The following SETBP1 variants were observed in gnomAD, a reference collection of about 807,000 sequenced individuals.
SETBP1 encodes the protein SET binding protein 1.
Under a neutral mutation model 101.0 loss-of-function variants are expected in SETBP1, and 9 were observed. That is an observed-to-expected ratio of 0.09 (90% CI 0.05 to 0.16). The LOEUF is 0.16. Among genes scored for constraint, SETBP1 ranks in the 10% least tolerant of loss-of-function variants. The pLI, the probability that SETBP1 is intolerant of heterozygous loss-of-function variation, is 1.00. For synonymous variants in SETBP1, 818 were observed against 788.5 expected (o/e 1.04, Z -0.63); for missense variants, 1,858 against 2,033.8 (o/e 0.91, Z 1.66).
In SETBP1 at chr18:45,063,582, G is replaced by GC; in HGVS notation, c.4680dup (p.Ala1561ArgfsTer31). 1.3e-6 allele frequency: 2 copies of GC among 1,560,676 alleles called. No homozygotes were observed. Among genetic ancestry groups the GC allele is most frequent in the Non-Finnish European group, 1.7e-6 (2 of 1,151,610 alleles). ...CGGAAAGAGGAAACACAAACCGCAG[G>GC]CCCCCGCTCAGCCCCCACAGCAGTC... On this transcript the variant is annotated frameshift_variant, in exon 6 of 6. Transcript: ENST00000649279. LOFTEE classifies it high-confidence loss of function.
rs539575685 is a variant in SETBP1, at chr18:44,961,876, C to T, written c.4000+8536C>T. ...AAGAATGAACAAGTTATCACAAGTT[C>T]GAATAAATGGTTCTGTTACTGAGCC... On this transcript the variant is annotated intron_variant, in intron 4 of 5. Coordinates refer to ENST00000649279, the MANE Select transcript of SETBP1 (RefSeq NM_015559.3). Among the ~76,000 whole-genome samples the T allele has an allele frequency of 2.6e-5, 4 of 152,186 alleles. No individual in the cohort carries two copies. In the South Asian group the frequency reaches 8.3e-4, roughly 32 times the overall value.
chr18:45,029,855 G>T (rs1040796579), intron 4 of SETBP1, among the ~76,000 whole-genome samples: 31 of 152,190 alleles, frequency 2.0e-4, no homozygotes, highest in Admixed American at 2.0e-3. Context: ...TTAGTACATT[G>T]ATTTTGTATC....
At chr18:44,838,310 G>A (rs752905531) in intron 2 of SETBP1, among the ~76,000 whole-genome samples, 1 of 151,966 alleles carries the variant, frequency 6.6e-6, no homozygotes, top group African/African-American at 2.4e-5. Flanking sequence ...AGCTGTATTC[G>A]CTTCACACCC....
chr18:44,687,028 C>T (rs965946515), intron 1 of SETBP1, among the ~76,000 whole-genome samples: 2 of 152,176 alleles, frequency 1.3e-5, no homozygotes, highest in Non-Finnish European at 2.9e-5. Flanking sequence ...CTTAACCATA[C>T]AGTCATCTTT....
chr18:44,880,018 G>A (rs1485092884), intron 3 of SETBP1, among the ~76,000 whole-genome samples: 1 of 152,128 alleles, frequency 6.6e-6, no homozygotes, highest in Non-Finnish European at 1.5e-5. Flanking sequence ...CATATTTCTG[G>A]AGGTCCACTT....
chr18:44,731,652 A>G (rs74532626), intron 2 of SETBP1, among the ~76,000 whole-genome samples: 9,227 of 151,856 alleles, frequency 0.061, 363 homozygotes, highest in East Asian at 0.14. Flanking sequence ...ACACACACAC[A>G]CGCGCACGCA....
intron 3 of SETBP1, among the ~76,000 whole-genome samples, chr18:44,920,242 T>C (rs1403619317): frequency 6.6e-6 from 1 of 152,048 alleles, no homozygotes; most frequent in Admixed American, 6.6e-5. Flanking sequence ...CTGTTATCCA[T>C]AGGAGTATGA....
chr18:44,852,118 T>G (rs2072880454), intron 2 of SETBP1, among the ~76,000 whole-genome samples: 1 of 152,250 alleles, frequency 6.6e-6, no homozygotes, highest in Admixed American at 6.5e-5. Context: ...TGCACAGAGC[T>G]GCTTTGATTC....
chr18:44,933,605 C>T (rs1285560150), intron 3 of SETBP1, among the ~76,000 whole-genome samples: 7 of 152,170 alleles, frequency 4.6e-5, no homozygotes, highest in East Asian at 1.9e-4. Context: ...CCACCCAGTT[C>T]GAGCTTCCTG....
At position 44,952,902 on chromosome 18, in the gene SETBP1, G is replaced by A. The variant is rs763274923; in HGVS notation, c.3562G>A (p.Glu1188Lys). The A allele has an allele frequency of 7.6e-5, 123 of 1,614,024 alleles. 3 individuals are homozygous for A. The South Asian group carries it at 8.7e-4, about 11-fold the overall frequency. The change falls in exon 4 of 6, where the codon GAG becomes AAG. Residue 1188 changes from glutamate to lysine, a missense_variant. Glu to Lys is a moderately conservative substitution (Grantham distance 56). Around this residue, in one of 12 missense-constraint regions of SETBP1, gnomAD observed 417 missense variants for 389.1 expected, o/e 1.07. Coordinates refer to ENST00000649279, the MANE Select transcript of SETBP1 (RefSeq NM_015559.3). ...ATGFSSHILSERLSSADKELP... is the reference protein window; with the variant it reads ...ATGFSSHILSKRLSSADKELP... ...AGGCTTCTCCAGCCACATCCTGAGC[G>A]AGCGGCTGAGTAGCGCAGACAAAGA...
At chr18:44,746,194 A>G (rs2144505789) in intron 2 of SETBP1, among the ~76,000 whole-genome samples, 1 of 152,322 alleles carries the variant, frequency 6.6e-6, no homozygotes, top group East Asian at 1.9e-4. Context: ...ACAGAGGTGG[A>G]AAGGGAAGAC....
intron 2 of SETBP1, among the ~76,000 whole-genome samples, chr18:44,776,602 T>G (rs892930075): frequency 1.3e-5 from 2 of 152,222 alleles, no homozygotes; most frequent in Admixed American, 6.5e-5. Context: ...TCTAATTCCC[T>G]GTATTCATCA....
At chr18:44,727,186 CTGTGTGTGTG>C (rs56695366) in intron 2 of SETBP1, among the ~76,000 whole-genome samples, 46 of 145,304 alleles carry the variant, frequency 3.2e-4, no homozygotes, top group East Asian at 2.2e-3. Flanking sequence ...TATTTGATCA[CTGTGTGTGTG>C]TGTGTGTGTG....
intron 2 of SETBP1, among the ~76,000 whole-genome samples, chr18:44,848,792 A>G (rs983706047): frequency 1.3e-5 from 2 of 152,188 alleles, no homozygotes; most frequent in Non-Finnish European, 2.9e-5. Context: ...CTAACTCCCC[A>G]TGGACGGAAA....
chr18:45,045,488 G>T (rs1002499400), intron 5 of SETBP1, among the ~76,000 whole-genome samples: 1 of 151,112 alleles, frequency 6.6e-6, no homozygotes, highest in Non-Finnish European at 1.5e-5. Flanking sequence ...ACAGCAAGCC[G>T]AACAAGGGCA....
At chr18:44,998,012 T>TG (rs2072535119) in intron 4 of SETBP1, among the ~76,000 whole-genome samples, 1 of 152,190 alleles carries the variant, frequency 6.6e-6, no homozygotes, top group Non-Finnish European at 1.5e-5. Context: ...TATTGTAACT[T>TG]GGATCATGTT....
chr18:44,772,844 C>G (rs1040827630), intron 2 of SETBP1, among the ~76,000 whole-genome samples: 1 of 152,050 alleles, frequency 6.6e-6, no homozygotes, highest in African/African-American at 2.4e-5. Context: ...AGAGTGTAGA[C>G]CCTCAAAACA....
chr18:45,051,174 A>G (rs944660671), intron 5 of SETBP1, among the ~76,000 whole-genome samples: 1 of 152,212 alleles, frequency 6.6e-6, no homozygotes, highest in African/African-American at 2.4e-5. Context: ...AACTTTTCCT[A>G]GAATCCAAGC....
intron 5 of SETBP1, among the ~76,000 whole-genome samples, chr18:45,056,945 T>C (rs1244008590): frequency 6.6e-6 from 1 of 152,194 alleles, no homozygotes; most frequent in Non-Finnish European, 1.5e-5. Flanking sequence ...AAGAATAAGT[T>C]GTTGTTTGAA....
Sources: gnomAD v4.1 joint callset for allele counts (sites outside exome capture counted in the v4.1 genomes callset) on GRCh38, gnomAD v4.1.1 for gene constraint, gnomAD v4.1.1 regional missense constraint, MANE v1.5 for transcripts, NCBI Gene and HGNC (gene_info 2026-07-23, HGNC 2026-07-21) for gene names.